NEGR1: variants seen among roughly 807,000 people sequenced by gnomAD.
The protein encoded by NEGR1 is neuronal growth regulator 1, also known as IgLON family member 4.
Under a neutral mutation model 40.9 loss-of-function variants are expected in NEGR1, and 10 were observed. That is an observed-to-expected ratio of 0.24 (90% CI 0.15 to 0.42). The LOEUF is 0.42. NEGR1 is among the 10% of genes least tolerant of loss of function. The probability of loss-of-function intolerance (pLI) is 1.00; values close to 1 mark genes in which losing one functional copy is unlikely to be tolerated. For missense variants in NEGR1, 352 were observed against 438.9 expected (o/e 0.80, Z 1.77); for synonymous variants, 185 against 166.8 (o/e 1.11, Z -0.84).
At position 71,754,025 on chromosome 1, in the gene NEGR1, G is replaced by C. The variant is rs982725563; in HGVS notation, c.535+22147C>G. ...GAGCATAAAGCACACATGATTTCAG[G>C]ATAAAGCAATGGAACAGAACTAAGA... On this transcript the variant is annotated intron_variant, in intron 3 of 6. Coordinates refer to ENST00000357731, the MANE Select transcript of NEGR1 (RefSeq NM_173808.3). 1.2e-4 allele frequency among the ~76,000 whole-genome samples: 19 copies of C among 152,160 alleles called. 1 individual carries two copies. The highest frequency in any genetic ancestry group is 4.3e-4 in the African/African-American group (18 of 41,432).
At chr1:71,753,619 G>A (rs1319308230) in intron 3 of NEGR1, among the ~76,000 whole-genome samples, 3 of 152,068 alleles carry the variant, frequency 2.0e-5, no homozygotes, top group Non-Finnish European at 4.4e-5. Context: ...CCTGGGGATT[G>A]TTAACAAGAT....
chr1:71,420,090 C>T (rs188721555), intron 6 of NEGR1, among the ~76,000 whole-genome samples: 4 of 151,896 alleles, frequency 2.6e-5, no homozygotes, highest in East Asian at 3.9e-4. Context: ...TGTTTGAAAT[C>T]ATTTTTGACT....
intron 1 of NEGR1, among the ~76,000 whole-genome samples, chr1:71,956,202 G>A (rs1426650382): frequency 1.3e-5 from 2 of 152,070 alleles, no homozygotes; most frequent in Admixed American, 6.6e-5. Flanking sequence ...TTGAGTATGA[G>A]GATTTCCTTG....
At chr1:72,107,461 C>T (rs555305360) in intron 1 of NEGR1, among the ~76,000 whole-genome samples, 1 of 151,574 alleles carries the variant, frequency 6.6e-6, no homozygotes, top group Non-Finnish European at 1.5e-5. Flanking sequence ...ACACTTTAAC[C>T]TACTTAAACC....
chr1:71,507,391 CTA>C (rs1647042716), intron 6 of NEGR1, among the ~76,000 whole-genome samples: 1 of 152,140 alleles, frequency 6.6e-6, no homozygotes, highest in African/African-American at 2.4e-5. Flanking sequence ...AAACTAATGT[CTA>C]TATCACACAA....
chr1:72,076,171 AT>A (rs1257743655), intron 1 of NEGR1, among the ~76,000 whole-genome samples: 1 of 152,128 alleles, frequency 6.6e-6, no homozygotes, highest in Non-Finnish European at 1.5e-5. Flanking sequence ...TCCCTCCCAA[AT>A]TCATATGTTG....
At chr1:72,032,975 G>A (rs917189515) in intron 1 of NEGR1, among the ~76,000 whole-genome samples, 1 of 151,986 alleles carries the variant, frequency 6.6e-6, no homozygotes, top group South Asian at 2.1e-4. Flanking sequence ...CCATATAAGT[G>A]TTAGCTATTA....
At chr1:71,747,721 A>T (rs1412322195) in intron 3 of NEGR1, among the ~76,000 whole-genome samples, 1 of 152,148 alleles carries the variant, frequency 6.6e-6, no homozygotes, top group Non-Finnish European at 1.5e-5. Flanking sequence ...CACTGCGCCC[A>T]GTCCGTTTTC....
At chr1:71,471,881 T>G (rs1433136203) in intron 6 of NEGR1, among the ~76,000 whole-genome samples, 1 of 152,002 alleles carries the variant, frequency 6.6e-6, no homozygotes, top group Non-Finnish European at 1.5e-5. Flanking sequence ...GTCCCGGTAT[T>G]CCTTCTCAGT....
At chr1:71,990,691 C>G in intron 1 of NEGR1, among the ~76,000 whole-genome samples, 2 of 152,142 alleles carry the variant, frequency 1.3e-5, no homozygotes, top group South Asian at 4.1e-4. Flanking sequence ...ACCAAAGCGA[C>G]AGATTACATT....
At chr1:72,257,202 G>C (rs1655300184) in intron 1 of NEGR1, among the ~76,000 whole-genome samples, 1 of 149,990 alleles carries the variant, frequency 6.7e-6, no homozygotes, top group Non-Finnish European at 1.5e-5. Context: ...GGCGCCTGTA[G>C]TCCCAGCTAC....
chr1:72,196,104 G>T (rs1652991577), intron 1 of NEGR1, among the ~76,000 whole-genome samples: 1 of 151,910 alleles, frequency 6.6e-6, no homozygotes, highest in South Asian at 2.1e-4. Context: ...AAGTAAAAAG[G>T]AGATTCCTAA....
At chr1:71,704,543 A>C (rs1249979253) in intron 3 of NEGR1, among the ~76,000 whole-genome samples, 1 of 151,870 alleles carries the variant, frequency 6.6e-6, no homozygotes, top group Non-Finnish European at 1.5e-5. Context: ...AACAGTTTAG[A>C]TTAAGTGTAC....
At chr1:71,938,168 G>C (rs1474228950) in intron 1 of NEGR1, among the ~76,000 whole-genome samples, 1 of 151,950 alleles carries the variant, frequency 6.6e-6, no homozygotes, top group Non-Finnish European at 1.5e-5. Flanking sequence ...AAATTTTGCT[G>C]AATTTTGTAG....
chr1:72,186,391 A>G (rs547715601), intron 1 of NEGR1, among the ~76,000 whole-genome samples: 1 of 151,792 alleles, frequency 6.6e-6, no homozygotes, highest in Admixed American at 6.6e-5. Context: ...TAGAGAGTTT[A>G]TATCTTTAAT....
rs1173323962 is a variant in NEGR1, at chr1:71,954,315, G to A, written c.177-19004C>T. On this transcript the variant is annotated intron_variant, in intron 1 of 6. Coordinates refer to ENST00000357731, the MANE Select transcript of NEGR1 (RefSeq NM_173808.3). ...ATAATTCGCTTGGAGGTAAATGATA[G>A]ATGATTTTAGATGTCAACCTGTGAA... Among the ~76,000 whole-genome samples the A allele has an allele frequency of 2.6e-5, 4 of 151,920 alleles. No homozygotes were observed. The East Asian group carries it at 7.7e-4, about 29-fold the overall frequency.
intron 1 of NEGR1, among the ~76,000 whole-genome samples, chr1:72,254,965 T>C (rs1489216587): frequency 6.6e-6 from 1 of 152,144 alleles, no homozygotes; most frequent in Non-Finnish European, 1.5e-5. Flanking sequence ...TAAAAATTTA[T>C]ATATGTCTAT....
At chr1:71,829,981 C>A (rs1290035099) in intron 2 of NEGR1, among the ~76,000 whole-genome samples, 1 of 152,030 alleles carries the variant, frequency 6.6e-6, no homozygotes, top group East Asian at 1.9e-4. Context: ...CCTCATTAAT[C>A]CTTTCCTCTG....
At chr1:71,490,382 T>G (rs1646919117) in intron 6 of NEGR1, among the ~76,000 whole-genome samples, 1 of 151,970 alleles carries the variant, frequency 6.6e-6, no homozygotes, top group South Asian at 2.1e-4. Flanking sequence ...AAACACATTC[T>G]TCAAAAAAAC....
Sources: gnomAD v4.1 joint callset for allele counts (sites outside exome capture counted in the v4.1 genomes callset) on GRCh38, gnomAD v4.1.1 for gene constraint, MANE v1.5 for transcripts, NCBI Gene and HGNC (gene_info 2026-07-23, HGNC 2026-07-21) for gene names.